NR3C1: variants seen among roughly 807,000 people sequenced by gnomAD.
The protein encoded by NR3C1 is glucocorticoid receptor.
In NR3C1, 14 loss-of-function variants were observed where a neutral mutation model predicts 74.0. The observed-to-expected ratio is 0.19, with a 90% CI of 0.12 to 0.30. The LOEUF (loss-of-function observed/expected upper bound fraction) is 0.30. Ranked by LOEUF, NR3C1 falls within the 10% of genes least tolerant of loss-of-function variation. The pLI, the probability that NR3C1 is intolerant of heterozygous loss-of-function variation, is 1.00. For synonymous variants in NR3C1, 308 were observed against 332.5 expected, an observed-to-expected ratio of 0.93 and a Z score of 0.80; for missense variants, 695 against 909.8, an observed-to-expected ratio of 0.76 and a Z score of 3.04.
intron 1 of NR3C1, 119 bp downstream of exon 1, chr5:143,403,092 C>CCCA: frequency 6.2e-6 from 5 of 812,494 alleles, no homozygotes; most frequent in South Asian, 5.6e-5. Context: ...CCCCCACCCC[C>CCCA]ACTCCCCGAG....
intron 2 of NR3C1, among the ~76,000 whole-genome samples, chr5:143,328,353 C>A (rs566885651): frequency 1.3e-5 from 2 of 152,348 alleles, no homozygotes; most frequent in African/African-American, 4.8e-5. Context: ...ATGGGAGGGG[C>A]TGCCCCGAAG....
At chr5:143,310,556 C>T (rs1820684196) in intron 3 of NR3C1, among the ~76,000 whole-genome samples, 1 of 152,168 alleles carries the variant, frequency 6.6e-6, no homozygotes, top group Admixed American at 6.5e-5. Context: ...GAACAGTACC[C>T]CAACAGGCCC....
Position 143,390,758 on chromosome 5 carries a change from T to C in NR3C1, c.1184+8898A>G, listed in dbSNP as rs75579874. The stretch of plus-strand genomic sequence containing the variant: ...TAAACATTTTCTGTAGAAATATCTA[T>C]GTGGGCTCTTTTAAAAACCCTCAAA... On this transcript the variant is annotated intron_variant, in intron 2 of 8. Coordinates refer to ENST00000394464, the MANE Select transcript of NR3C1 (RefSeq NM_000176.3). Among the ~76,000 whole-genome samples the C allele has an allele frequency of 4.5e-3, 681 of 152,346 alleles. 4 individuals carry two copies. The highest frequency in any genetic ancestry group is 6.1e-3 in the Non-Finnish European group (413 of 68,022).
intron 1 of NR3C1, among the ~76,000 whole-genome samples, chr5:143,423,983 A>G (rs72802815): frequency 0.32 from 46,031 of 144,020 alleles, 7,752 homozygotes; most frequent in Admixed American, 0.39. Flanking sequence ...TTAACCGCAT[A>G]TTCTCACTCG....
intron 1 of NR3C1, among the ~76,000 whole-genome samples, chr5:143,427,046 A>G (rs1485699633): frequency 6.6e-6 from 1 of 152,182 alleles, no homozygotes; most frequent in Admixed American, 6.6e-5. Context: ...TTCCTTTTGA[A>G]GAGTTCAAAA....
At chr5:143,382,224 G>A (rs1836389298) in intron 2 of NR3C1, among the ~76,000 whole-genome samples, 2 of 151,936 alleles carry the variant, frequency 1.3e-5, no homozygotes, top group Non-Finnish European at 2.9e-5. Flanking sequence ...TCTCACCCCA[G>A]TCAATTATAT....
chr5:143,327,305 GA>G (rs1164492865), intron 2 of NR3C1, among the ~76,000 whole-genome samples: 2 of 151,930 alleles, frequency 1.3e-5, no homozygotes, highest in Admixed American at 1.3e-4. Flanking sequence ...GAACAGCATG[GA>G]AAAAACCCCC....
At chr5:143,371,626 C>T (rs1834247331) in intron 2 of NR3C1, among the ~76,000 whole-genome samples, 1 of 152,208 alleles carries the variant, frequency 6.6e-6, no homozygotes, top group Admixed American at 6.5e-5. Context: ...CCACCCCATC[C>T]CTGTCTCTTA....
At chr5:143,435,500 C>G (rs1752061357) in exon 1 of NR3C1, 1 of 985,382 alleles carries the variant, frequency 1.0e-6, no homozygotes, top group Non-Finnish European at 1.2e-6. Flanking sequence ...GAAAGCAAAC[C>G]CTTACATAAC....
chr5:143,344,796 C>G (rs973380220), intron 2 of NR3C1, among the ~76,000 whole-genome samples: 1 of 151,998 alleles, frequency 6.6e-6, no homozygotes, highest in Non-Finnish European at 1.5e-5. Flanking sequence ...ACTCTTGAAC[C>G]CGGGAGGTGG....
intron 1 of NR3C1, among the ~76,000 whole-genome samples, chr5:143,424,341 A>G (rs946668386): frequency 9.2e-5 from 14 of 152,278 alleles, no homozygotes; most frequent in African/African-American, 3.4e-4. Flanking sequence ...AATTTATTGT[A>G]TATTTCAAAA....
chr5:143,403,335 A>G lies in NR3C1; in HGVS notation c.-138T>C. The G allele has an allele frequency of 2.0e-6, 2 of 985,464 alleles. No individual in the cohort carries two copies. Among genetic ancestry groups the G allele is most frequent in the Non-Finnish European group, 2.4e-6 (2 of 829,954 alleles). 61.0% of individuals were successfully genotyped at this position (985,464 alleles called of 1,614,324 possible). On this transcript the variant is annotated 5_prime_UTR_variant, in exon 1 of 9. Transcript: ENST00000394464. Reference sequence around the variant, plus strand: ...ATATTTTTTTTTTCTAAAAAAAGGAAGTAAACAGCCGCCCCTTTCTCCATG... The same window carrying G: ...ATATTTTTTTTTTCTAAAAAAAGGAGGTAAACAGCCGCCCCTTTCTCCATG...
chr5:143,284,767 C>T (rs1186551825), intron 7 of NR3C1, among the ~76,000 whole-genome samples: 1 of 151,986 alleles, frequency 6.6e-6, no homozygotes, highest in African/African-American at 2.4e-5. Context: ...TGATTATGAT[C>T]CCTAGGAAAA....
chr5:143,328,654 A>G (rs1426434011), intron 2 of NR3C1, among the ~76,000 whole-genome samples: 2 of 152,218 alleles, frequency 1.3e-5, no homozygotes, highest in Non-Finnish European at 2.9e-5. Flanking sequence ...TTTCAGAATC[A>G]GCCAAGTCAC....
Position 143,364,028 on chromosome 5 carries a change from A to G in NR3C1, c.1184+35628T>C, listed in dbSNP as rs530645380. ...AAGAACTTGACACATCTGATGAAAT[A>G]CATCTACAAAGCTCAACAAACTCCA... On this transcript the variant is annotated intron_variant, in intron 2 of 8. Transcript: ENST00000394464. Among the ~76,000 whole-genome samples the G allele has an allele frequency of 2.0e-5, 3 of 152,360 alleles. No homozygotes were observed. In the East Asian group the frequency reaches 5.8e-4, roughly 29 times the overall value.
intron 2 of NR3C1, chr5:143,333,290 C>T: frequency 1.4e-6 from 1 of 739,924 alleles, no homozygotes; most frequent in South Asian, 1.5e-5. Flanking sequence ...TTTTGATAGG[C>T]CATGCCTTGC....
chr5:143,284,147 T>G (rs1032015891), intron 7 of NR3C1, among the ~76,000 whole-genome samples: 1 of 152,212 alleles, frequency 6.6e-6, no homozygotes, highest in African/African-American at 2.4e-5. Context: ...TGGCATGATC[T>G]CAGCTCACTG....
intron 2 of NR3C1, among the ~76,000 whole-genome samples, chr5:143,333,976 A>G (rs548752379): frequency 2.0e-5 from 3 of 152,338 alleles, no homozygotes; most frequent in African/African-American, 7.2e-5. Flanking sequence ...TAAATTTTTT[A>G]TCAGTGAAGT....
At chr5:143,314,222 T>C in intron 2 of NR3C1, 54 bp from the exon 3 acceptor site, 1 of 1,574,174 alleles carries the variant, frequency 6.4e-7, no homozygotes, top group South Asian at 1.1e-5. Context: ...AATATCAAAA[T>C]ACAGTTCTCT....
Sources: allele counts gnomAD v4.1 joint callset (sites outside exome capture counted in the v4.1 genomes callset), GRCh38; gene constraint gnomAD v4.1.1; transcripts MANE v1.5; gene names NCBI Gene and HGNC (gene_info 2026-07-23, HGNC 2026-07-21).